ANKS1B: variants seen among roughly 807,000 people sequenced by gnomAD.
ANKS1B encodes ankyrin repeat and sterile alpha motif domain-containing protein 1B.
ANKS1B carries 36 observed loss-of-function variants against 148.3 expected under a neutral mutation model. That is an observed-to-expected ratio of 0.24 (90% CI 0.19 to 0.32). The LOEUF is 0.32. Ranked by LOEUF, ANKS1B falls within the 10% of genes least tolerant of loss-of-function variation. ANKS1B has a pLI of 1.00. For missense variants in ANKS1B, 1,157 were observed against 1,542.6 expected (o/e 0.75, Z 4.19); for synonymous variants, 542 against 560.8 (o/e 0.97, Z 0.47).
At chr12:99,740,295 G>A (rs1464700618) in intron 8 of ANKS1B, among the ~76,000 whole-genome samples, 2 of 151,548 alleles carry the variant, frequency 1.3e-5, no homozygotes, top group African/African-American at 2.4e-5. Flanking sequence ...GGTTAACAGA[G>A]GGAGACCGTG....
At chr12:98,748,954 A>T (rs565993168) in intron 26 of ANKS1B, among the ~76,000 whole-genome samples, 1 of 152,312 alleles carries the variant, frequency 6.6e-6, no homozygotes, top group South Asian at 2.1e-4. Flanking sequence ...ATTCCTGGAC[A>T]CTTAGCAGCC....
At chr12:99,976,975 A>T (rs554517224) in intron 1 of ANKS1B, among the ~76,000 whole-genome samples, 48 of 152,332 alleles carry the variant, frequency 3.2e-4, no homozygotes, top group African/African-American at 1.1e-3. Context: ...CCCATGGCAG[A>T]AGGCAGAAGG....
At chr12:98,993,544 G>A (rs141562693) in intron 17 of ANKS1B, among the ~76,000 whole-genome samples, 12 of 151,918 alleles carry the variant, frequency 7.9e-5, no homozygotes, top group East Asian at 7.7e-4. Context: ...TCTCCATTTC[G>A]TATATTTATC....
chr12:99,664,981 C>G (rs1278336501), intron 8 of ANKS1B, among the ~76,000 whole-genome samples: 1 of 152,158 alleles, frequency 6.6e-6, no homozygotes, highest in African/African-American at 2.4e-5. Flanking sequence ...AAGTAATATT[C>G]CATTGTATGG....
Position 99,123,035 on chromosome 12 carries a change from AAAC to A in ANKS1B, c.2526+31251_2526+31253del, listed in dbSNP as rs899656249. 5.5e-5 allele frequency among the ~76,000 whole-genome samples: 8 copies of A among 144,584 alleles called. No individual in the cohort carries two copies. In the South Asian group the frequency reaches 8.9e-4, roughly 16 times the overall value. The allele number at this position is 144,584 out of a possible 152,430, so 94.9% of individuals were successfully genotyped here. The stretch of plus-strand genomic sequence containing the variant: ...ATATAAACATGTATATAAACCAACA[AAAC>A]AACAACAACAAAAAACCAACAAAAA... On this transcript the variant is annotated intron_variant, in intron 15 of 26. Coordinates refer to ENST00000683438, the MANE Select transcript of ANKS1B (RefSeq NM_001352186.2).
intron 17 of ANKS1B, among the ~76,000 whole-genome samples, chr12:98,975,162 C>T (rs1240012642): frequency 6.8e-6 from 1 of 147,570 alleles, no homozygotes; most frequent in African/African-American, 2.5e-5. Flanking sequence ...CTCTTCCTTC[C>T]CTCCCTCCCA....
chr12:99,243,407 G>A (rs2089714559), intron 14 of ANKS1B, among the ~76,000 whole-genome samples: 1 of 152,182 alleles, frequency 6.6e-6, no homozygotes, highest in East Asian at 1.9e-4. Context: ...GGAGAAATAG[G>A]AATGCTTTTA....
At chr12:99,279,011 CTG>C (rs2078045065) in intron 12 of ANKS1B, among the ~76,000 whole-genome samples, 1 of 152,110 alleles carries the variant, frequency 6.6e-6, no homozygotes, top group African/African-American at 2.4e-5. Flanking sequence ...AAGACAAAGA[CTG>C]TGGTTTTCTT....
intron 1 of ANKS1B, among the ~76,000 whole-genome samples, chr12:99,951,857 G>C (rs7963949): frequency 0.21 from 32,139 of 151,934 alleles, 3,607 homozygotes; most frequent in Middle Eastern, 0.24. Context: ...CTGCACTCTA[G>C]CCAAGGAGAC....
At chr12:99,595,049 TAG>T (rs1459946151) in intron 9 of ANKS1B, among the ~76,000 whole-genome samples, 1 of 151,970 alleles carries the variant, frequency 6.6e-6, no homozygotes, top group Non-Finnish European at 1.5e-5. Context: ...TGAAAGAGCA[TAG>T]ACTTTGGTGC....
chr12:99,484,177 G>T lies in ANKS1B; in HGVS notation c.1438+20299C>A, dbSNP rs574910925. ...AGCACTGCTGTTGCTGTATCCCAGAGAATTTGATAACTTATTTCATTATTA... is the reference window on the plus strand; with the variant it reads ...AGCACTGCTGTTGCTGTATCCCAGATAATTTGATAACTTATTTCATTATTA... On this transcript the variant is annotated intron_variant, in intron 10 of 26. Transcript: ENST00000683438. Among the ~76,000 whole-genome samples, 70 of 152,016 alleles carry T rather than the reference G, an allele frequency of 4.6e-4. 1 individual carries two copies. Among genetic ancestry groups the T allele is most frequent in the South Asian group, 1.7e-3 (8 of 4,824 alleles).
At chr12:99,893,383 C>G (rs1779190050) in intron 1 of ANKS1B, among the ~76,000 whole-genome samples, 1 of 147,432 alleles carries the variant, frequency 6.8e-6, no homozygotes, top group African/African-American at 2.5e-5. Context: ...TGCACTCCAG[C>G]CTGGGAGACA....
intron 8 of ANKS1B, among the ~76,000 whole-genome samples, chr12:99,729,999 T>C (rs1288850014): frequency 1.3e-5 from 2 of 152,248 alleles, no homozygotes; most frequent in African/African-American, 2.4e-5. Flanking sequence ...CAAGGAGTTG[T>C]AGCTTTGTGC....
intron 10 of ANKS1B, among the ~76,000 whole-genome samples, chr12:99,496,712 T>G (rs1389448220): frequency 1.4e-5 from 2 of 146,100 alleles, no homozygotes; most frequent in Non-Finnish European, 3.0e-5. Flanking sequence ...ATTAAACTAG[T>G]ACATCTGATA....
At chr12:99,225,561 T>C (rs2085788407) in intron 14 of ANKS1B, among the ~76,000 whole-genome samples, 1 of 152,146 alleles carries the variant, frequency 6.6e-6, no homozygotes, top group Non-Finnish European at 1.5e-5. Flanking sequence ...TCAATCTGGG[T>C]GGGCACGATC....
chr12:98,830,551 C>T (rs1168139129), intron 18 of ANKS1B, among the ~76,000 whole-genome samples: 13 of 152,196 alleles, frequency 8.5e-5, no homozygotes, highest in Admixed American at 6.5e-4. Flanking sequence ...CTGTCCTGCC[C>T]TCTGTTATCC....
intron 1 of ANKS1B, among the ~76,000 whole-genome samples, chr12:99,842,849 A>G (rs941209386): frequency 3.9e-5 from 6 of 152,156 alleles, no homozygotes; most frequent in African/African-American, 1.2e-4. Context: ...AGTATATTCT[A>G]TTTTTTAGGG....
chr12:99,230,001 T>C (rs938761005), intron 14 of ANKS1B, among the ~76,000 whole-genome samples: 3 of 128,852 alleles, frequency 2.3e-5, no homozygotes, highest in African/African-American at 8.3e-5. Context: ...AAATAATAGA[T>C]GGAAAAGAAA....
intron 9 of ANKS1B, among the ~76,000 whole-genome samples, chr12:99,653,790 A>G (rs1157576611): frequency 2.0e-5 from 3 of 150,108 alleles, no homozygotes; most frequent in Non-Finnish European, 4.4e-5. Flanking sequence ...CAGCCTCCTG[A>G]GTAGCTAGGG....
Sources: gnomAD v4.1 joint callset for allele counts (sites outside exome capture counted in the v4.1 genomes callset) on GRCh38, gnomAD v4.1.1 for gene constraint, MANE v1.5 for transcripts, NCBI Gene and HGNC (gene_info 2026-07-23, HGNC 2026-07-21) for gene names.